Variants in BUD23 observed in about 807,000 individuals in gnomAD.
The protein encoded by BUD23 is BUD23 rRNA methyltransferase and ribosome maturation factor, also known as 18S rRNA (guanine-N(7))-methyltransferase.
A neutral mutation model predicts 47.0 loss-of-function variants in BUD23; 34 were observed. The observed-to-expected ratio is 0.72, with a 90% CI of 0.55 to 0.96. BUD23 has a LOEUF of 0.96. BUD23 is among the 40% of genes least tolerant of loss of function. BUD23 has a pLI of 0.00. For missense variants in BUD23, 343 were observed against 361.2 expected (o/e 0.95, Z 0.41); for synonymous variants, 124 against 132.0 (o/e 0.94, Z 0.41).
chr7:73,690,705 C>T (rs191894565), intron 5 of BUD23, among the ~76,000 whole-genome samples: 1 of 152,188 alleles, frequency 6.6e-6, no homozygotes, highest in East Asian at 1.9e-4. Flanking sequence ...AAGTCCTGGC[C>T]TCAGGCAATT....
In BUD23 at chr7:73,691,156, C is replaced by G. The variant is rs1485087674; in HGVS notation, c.459+144C>G. On this transcript the variant is annotated intron_variant, in intron 6 of 11. Coordinates refer to ENST00000265758, the MANE Select transcript of BUD23 (RefSeq NM_017528.5). ...GGGTGGCAGGACCTTACTGTGGTTA[C>G]TTCTGTCCAGGTCCTCAGCCTAAAT... The G allele has an allele frequency of 3.5e-5, 24 of 676,628 alleles. No individual in the cohort carries two copies. In the Admixed American group the frequency reaches 6.1e-4, roughly 17 times the overall value. The allele number at this position is 676,628 out of a possible 1,614,324, so 41.9% of individuals were successfully genotyped here. A position where few individuals can be genotyped will look rare whatever the true frequency, so the allele number is the denominator to read the frequency against.
At chr7:73,697,296 CCTG>C (rs1798444599) in intron 10 of BUD23, 8 of 697,632 alleles carry the variant, frequency 1.1e-5, no homozygotes, top group Non-Finnish European at 1.4e-5. Context: ...TAGAAAGCGG[CCTG>C]CTTACTGCTG....
chr7:73,688,854 T>C (rs1798080278), intron 5 of BUD23, among the ~76,000 whole-genome samples: 1 of 152,090 alleles, frequency 6.6e-6, no homozygotes, highest in South Asian at 2.1e-4. Flanking sequence ...AAATTCAGAT[T>C]AGAAGATTTT....
intron 2 of BUD23, 163 bp downstream of exon 2, chr7:73,683,967 C>T (rs543760873): frequency 1.3e-6 from 2 of 1,517,386 alleles, no homozygotes; most frequent in South Asian, 1.3e-5. Flanking sequence ...TTTAAGTTGC[C>T]GACCTCTCTG....
intron 2 of BUD23, among the ~76,000 whole-genome samples, chr7:73,685,948 T>G (rs1474155793): frequency 2.7e-5 from 4 of 150,268 alleles, no homozygotes; most frequent in Non-Finnish European, 5.9e-5. Context: ...AAAAAAAAAT[T>G]AGCCGGGCGT....
rs545042659 is a variant in BUD23, at chr7:73,687,477, A to G, written c.362+382A>G. On this transcript the variant is annotated intron_variant, in intron 5 of 11. Transcript: ENST00000265758. ...TTTTTAGTGGAGGTGAGGTTTCACT[A>G]TGTTGGCCGGGATGGTTTCAATCTC... 6.0e-4 allele frequency among the ~76,000 whole-genome samples: 91 copies of G among 152,198 alleles called. 1 individual carries two copies. The South Asian group carries it at 0.014, about 23-fold the overall frequency.
intron 2 of BUD23, among the ~76,000 whole-genome samples, chr7:73,685,293 A>G (rs1221242801): frequency 6.6e-6 from 1 of 152,206 alleles, no homozygotes; most frequent in Non-Finnish European, 1.5e-5. Context: ...AAATAAATAA[A>G]TAGCTATTGG....
At chr7:73,687,962 C>G (rs1187651227) in intron 5 of BUD23, among the ~76,000 whole-genome samples, 1 of 150,290 alleles carries the variant, frequency 6.7e-6, no homozygotes, top group Non-Finnish European at 1.5e-5. Context: ...GTGGCGGGAT[C>G]TCGGCTCACT....
intron 7 of BUD23, 111 bp downstream of exon 7, chr7:73,692,757 A>T (rs1019182689): frequency 4.5e-6 from 5 of 1,109,998 alleles, no homozygotes; most frequent in Non-Finnish European, 6.6e-6. Flanking sequence ...AGGAGGAAAC[A>T]TGCACCCTAG....
chr7:73,697,815 A>T lies in BUD23; in HGVS notation c.792-17A>T. 6.2e-7 allele frequency: 1 copy of T among 1,613,280 alleles called. No individual in the cohort carries two copies. The highest frequency in any genetic ancestry group is 8.5e-7 in the Non-Finnish European group (1 of 1,179,814). On this transcript the variant is annotated splice_polypyrimidine_tract_variant and intron_variant, in intron 11 of 11. Transcript: ENST00000265758. The stretch of plus-strand genomic sequence containing the variant: ...GATCTTTTTTTTCTGAGACTGTCCT[A>T]TTCCTTTTCTGCACAGGGAAGTCAG...
chr7:73,694,971 T>A (rs1798343716), intron 10 of BUD23: 1 of 152,302 alleles, frequency 6.6e-6, no homozygotes, highest in South Asian at 2.1e-4. Flanking sequence ...GGAGTTTCCA[T>A]GGGTAGTCTC....
intron 7 of BUD23, 147 bp from the exon 8 acceptor site, chr7:73,693,182 C>CT (rs1798257875): frequency 2.7e-6 from 2 of 728,964 alleles, no homozygotes; most frequent in African/African-American, 1.7e-5. Flanking sequence ...CTAGCCTGTA[C>CT]TTTTCTCTAC....
At chr7:73,688,473 T>C (rs1041478322) in intron 5 of BUD23, among the ~76,000 whole-genome samples, 1 of 152,258 alleles carries the variant, frequency 6.6e-6, no homozygotes, top group Non-Finnish European at 1.5e-5. Flanking sequence ...TTTTAGTCTC[T>C]AGCGGCCATT....
chr7:73,693,074 C>T, intron 7 of BUD23: 2 of 572,688 alleles, frequency 3.5e-6, no homozygotes, highest in Non-Finnish European at 6.3e-6. Context: ...TCTCCCTAAA[C>T]TTGAGTGGGG....
chr7:73,694,413 C>A, intron 10 of BUD23: 1 of 217,554 alleles, frequency 4.6e-6, no homozygotes, highest in South Asian at 1.1e-4. Context: ...CATCTTGACT[C>A]TCCTGGGTCA....
intron 6 of BUD23, among the ~76,000 whole-genome samples, chr7:73,691,897 G>C (rs914182550): frequency 6.6e-6 from 1 of 152,252 alleles, no homozygotes; most frequent in East Asian, 1.9e-4. Context: ...AAGCCACTGT[G>C]CCCAGCTTAA....
At position 73,697,838 on chromosome 7, in the gene BUD23, C is replaced by G; in HGVS notation, c.798C>G (p.Val266=). Residue 266 remains valine, a synonymous_variant, in exon 12 of 12, where the codon GTC becomes GTG. Transcript: ENST00000265758. The part of the protein sequence containing the change: ...KERHRRQGRE[V]RPDTQYTGRK... ...CTATTCCTTTTCTGCACAGGGAAGT[C>G]AGACCTGACACCCAGTACACCGGCC... 1 of 1,613,986 alleles carries G rather than the reference C, an allele frequency of 6.2e-7. No homozygotes were observed. Among genetic ancestry groups the G allele is most frequent in the Non-Finnish European group, 8.5e-7 (1 of 1,179,984 alleles).
At chr7:73,683,697 C>T (rs960872910) in intron 1 of BUD23, 24 bp downstream of exon 1, 1 of 1,613,942 alleles carries the variant, frequency 6.2e-7, no homozygotes, top group East Asian at 2.2e-5. Flanking sequence ...CCCGCGGACA[C>T]CCCTCTCCCC....
In BUD23 at chr7:73,694,033, T is replaced by C; in HGVS notation, c.684T>C (p.Ser228=). The C allele has an allele frequency of 6.2e-7, 1 of 1,610,362 alleles. No individual in the cohort carries two copies. Among genetic ancestry groups the C allele is most frequent in the Non-Finnish European group, 8.5e-7 (1 of 1,179,070 alleles). ...AGGATGAAGTTGAACCCAGGGAGTCTGTGTTCACCAATGAGAGGTAAAGCA... is the reference window on the plus strand; with the variant it reads ...AGGATGAAGTTGAACCCAGGGAGTCCGTGTTCACCAATGAGAGGTAAAGCA... ...ENQDEVEPRE[S]VFTNERFPLR... Residue 228 remains serine (S), a synonymous_variant, in exon 10 of 12, where the codon TCT becomes TCC. Transcript: ENST00000265758.
Sources: gnomAD v4.1 joint callset for allele counts (sites outside exome capture counted in the v4.1 genomes callset) on GRCh38, gnomAD v4.1.1 for gene constraint, MANE v1.5 for transcripts, NCBI Gene and HGNC (gene_info 2026-07-23, HGNC 2026-07-21) for gene names.